CHCHD3: variants seen among roughly 807,000 people sequenced by gnomAD.
CHCHD3 encodes coiled-coil-helix-coiled-coil-helix domain containing 3, also known as MICOS complex subunit MIC19.
CHCHD3 carries 20 observed loss-of-function variants against 38.2 expected under a neutral mutation model. The ratio of observed to expected loss-of-function variants is 0.52; its 90% CI spans 0.37 to 0.76. The LOEUF (loss-of-function observed/expected upper bound fraction) is 0.76, where lower values mean the gene tolerates loss of function less well. Ranked by LOEUF, CHCHD3 falls within the 30% of genes least tolerant of loss-of-function variation. The probability of loss-of-function intolerance (pLI) is 0.00; values close to 1 mark genes in which losing one functional copy is unlikely to be tolerated. For synonymous variants in CHCHD3, 82 were observed against 100.0 expected (o/e 0.82, Z 1.07); for missense variants, 245 against 279.2 (o/e 0.88, Z 0.87).
At chr7:132,916,791 G>A (rs1266238607) in intron 4 of CHCHD3, among the ~76,000 whole-genome samples, 1 of 151,838 alleles carries the variant, frequency 6.6e-6, no homozygotes, top group Non-Finnish European at 1.5e-5. Flanking sequence ...ATTTGCCCAG[G>A]CTGGTCTCAA....
At chr7:132,870,290 C>T (rs900248719) in intron 5 of CHCHD3, among the ~76,000 whole-genome samples, 2 of 144,820 alleles carry the variant, frequency 1.4e-5, no homozygotes, top group African/African-American at 2.6e-5. Context: ...GCAGAGGTTG[C>T]GGTGAACAGA....
At chr7:133,079,428 C>T (rs987702872) in intron 1 of CHCHD3, among the ~76,000 whole-genome samples, 7 of 152,192 alleles carry the variant, frequency 4.6e-5, no homozygotes, top group Non-Finnish European at 8.8e-5. Context: ...GGTTCCAAGG[C>T]ACATGCTCTT....
chr7:132,929,543 G>A (rs985349526), intron 4 of CHCHD3, among the ~76,000 whole-genome samples: 1 of 152,034 alleles, frequency 6.6e-6, no homozygotes, highest in Non-Finnish European at 1.5e-5. Flanking sequence ...CTCTATTCCT[G>A]GCTGCTCTCC....
At chr7:132,891,765 G>A (rs1416548194) in intron 4 of CHCHD3, among the ~76,000 whole-genome samples, 1 of 152,218 alleles carries the variant, frequency 6.6e-6, no homozygotes. Flanking sequence ...CAGATGGGAG[G>A]TGAATGGATA....
At position 132,914,121 on chromosome 7, in the gene CHCHD3, G is replaced by GGT. The variant is rs1234351482; in HGVS notation, c.370-28377_370-28376insAC. Among the ~76,000 whole-genome samples, 527 of 114,010 alleles carry GGT rather than the reference G, an allele frequency of 4.6e-3. 3 individuals are homozygous for GGT. The highest frequency in any genetic ancestry group is 0.018 in the African/African-American group (499 of 28,300). 74.8% of individuals were successfully genotyped at this position (114,010 alleles called of 152,430 possible). On this transcript the variant is annotated intron_variant, in intron 4 of 7. Coordinates refer to ENST00000262570, the MANE Select transcript of CHCHD3 (RefSeq NM_017812.4). ...ATTACAGATGCCCACCACCATGCCTGGCGTGTGTGTGTGTGTGTGTGTGTG... is the reference window on the plus strand; with the variant it reads ...ATTACAGATGCCCACCACCATGCCTGGTGCGTGTGTGTGTGTGTGTGTGTGTG...
chr7:132,989,147 C>T (rs908551084), intron 3 of CHCHD3, among the ~76,000 whole-genome samples: 5 of 152,056 alleles, frequency 3.3e-5, no homozygotes, highest in Non-Finnish European at 2.9e-5. Flanking sequence ...GATCCTGGAA[C>T]CAATCCTCCA....
At chr7:133,048,707 A>G (rs1814065378) in intron 2 of CHCHD3, among the ~76,000 whole-genome samples, 1 of 152,198 alleles carries the variant, frequency 6.6e-6, no homozygotes, top group Non-Finnish European at 1.5e-5. Context: ...TCTCAGATAC[A>G]ATAATAATAG....
At chr7:132,799,014 TG>T (rs1806696294) in intron 6 of CHCHD3, among the ~76,000 whole-genome samples, 2 of 38,316 alleles carry the variant, frequency 5.2e-5, no homozygotes, top group Admixed American at 3.8e-4. Context: ...GTTCTGTGTG[TG>T]TGTGTGTGTG....
intron 3 of CHCHD3, among the ~76,000 whole-genome samples, chr7:132,993,588 T>C (rs950757325): frequency 6.6e-6 from 1 of 152,234 alleles, no homozygotes; most frequent in South Asian, 2.1e-4. Flanking sequence ...GGTCCCACTG[T>C]TGGGCTGCCT....
chr7:132,914,750 A>C (rs1435006323), intron 4 of CHCHD3, among the ~76,000 whole-genome samples: 1 of 152,236 alleles, frequency 6.6e-6, no homozygotes, highest in African/African-American at 2.4e-5. Flanking sequence ...CATGTGGCTC[A>C]GTGGGAGGAC....
intron 6 of CHCHD3, among the ~76,000 whole-genome samples, chr7:132,824,314 C>CTTTTTTTTT (rs57262694): frequency 0.013 from 1,136 of 90,088 alleles, 102 homozygotes; most frequent in African/African-American, 0.023. Flanking sequence ...TAGTAGAACT[C>CTTTTTTTTT]TTTTTTTTTT....
chr7:132,861,868 G>T (rs9649583), intron 5 of CHCHD3, among the ~76,000 whole-genome samples: 2 of 151,976 alleles, frequency 1.3e-5, no homozygotes, highest in Non-Finnish European at 2.9e-5. Flanking sequence ...CTGATGCCTG[G>T]TCTATCCAAA....
At chr7:132,970,047 A>C (rs1463042445) in intron 4 of CHCHD3, among the ~76,000 whole-genome samples, 1 of 152,164 alleles carries the variant, frequency 6.6e-6, no homozygotes, top group Non-Finnish European at 1.5e-5. Context: ...ACCAATTATA[A>C]ACAGGACCTA....
At chr7:132,898,946 T>C (rs1809591773) in intron 4 of CHCHD3, among the ~76,000 whole-genome samples, 1 of 152,146 alleles carries the variant, frequency 6.6e-6, no homozygotes, top group African/African-American at 2.4e-5. Flanking sequence ...CCAGCTGGCC[T>C]GCAAGCGCCG....
intron 4 of CHCHD3, among the ~76,000 whole-genome samples, chr7:132,893,276 G>C (rs1809413327): frequency 6.6e-6 from 1 of 152,220 alleles, no homozygotes; most frequent in African/African-American, 2.4e-5. Flanking sequence ...AAGACTTCAT[G>C]ACTGCCCTGC....
intron 6 of CHCHD3, among the ~76,000 whole-genome samples, chr7:132,825,555 G>A (rs773592242): frequency 5.9e-5 from 9 of 152,156 alleles, no homozygotes; most frequent in Non-Finnish European, 1.0e-4. Context: ...TTACACTAGC[G>A]TCTTTTGTAT....
intron 4 of CHCHD3, among the ~76,000 whole-genome samples, chr7:132,898,556 G>A (rs893280577): frequency 1.1e-4 from 16 of 152,244 alleles, no homozygotes; most frequent in Non-Finnish European, 2.2e-4. Flanking sequence ...AGTGGATCCC[G>A]CACCCAGGCT....
chr7:132,900,940 G>A (rs904107791), intron 4 of CHCHD3, among the ~76,000 whole-genome samples: 9 of 152,124 alleles, frequency 5.9e-5, no homozygotes, highest in Non-Finnish European at 7.3e-5. Context: ...GCAGTGAGCC[G>A]AGATAGCACC....
At chr7:133,074,770 A>G (rs1311186599) in intron 1 of CHCHD3, among the ~76,000 whole-genome samples, 3 of 152,214 alleles carry the variant, frequency 2.0e-5, no homozygotes, top group East Asian at 3.8e-4. Context: ...AGTGTTAGCT[A>G]TAAGCTTTCA....
Sources: allele counts gnomAD v4.1 joint callset (sites outside exome capture counted in the v4.1 genomes callset), GRCh38; gene constraint gnomAD v4.1.1; transcripts MANE v1.5; gene names NCBI Gene and HGNC (gene_info 2026-07-23, HGNC 2026-07-21).